POU5F1: variants seen among roughly 807,000 people sequenced by gnomAD.
POU5F1 encodes POU class 5 homeobox 1.
Under a neutral mutation model 38.3 loss-of-function variants are expected in POU5F1, and 6 were observed. The observed-to-expected ratio is 0.16, with a 90% CI of 0.09 to 0.31. The LOEUF (loss-of-function observed/expected upper bound fraction) is 0.31, where lower values mean the gene tolerates loss of function less well. POU5F1 is among the 10% of genes least tolerant of loss of function. POU5F1 has a pLI of 1.00. For missense variants in POU5F1, 286 were observed against 462.6 expected, an observed-to-expected ratio of 0.62 and a Z score of 3.50; for synonymous variants, 147 against 194.9, an observed-to-expected ratio of 0.75 and a Z score of 2.05.
chr6:31,166,207 T>TA (rs1777233811), intron 1 of POU5F1, 160 bp from the exon 2 acceptor site: 1 of 1,561,712 alleles, frequency 6.4e-7, no homozygotes, highest in South Asian at 1.2e-5. Flanking sequence ...AGAAATAACC[T>TA]ACCCACAAAT....
At chr6:31,169,058 G>C (rs1330062365) in intron 1 of POU5F1, among the ~76,000 whole-genome samples, 1 of 152,144 alleles carries the variant, frequency 6.6e-6, no homozygotes, top group East Asian at 1.9e-4. Context: ...TGCTATCTTG[G>C]ATTTTCCAAA....
Position 31,164,777 on chromosome 6 carries a change from A to C in POU5F1, c.907T>G (p.Ser303Ala). ...GACACTGGTCCCCCTGAGAAAGGAG[A>C]CCCAGCAGCCTCAAAATCCTCTCGT... is the stretch of plus-strand genomic sequence containing the variant. Reference protein sequence around the residue: ...AQREDFEAAGSPFSGGPVSFP... With the variant: ...AQREDFEAAGAPFSGGPVSFP... The change falls in exon 5 of 5, where the codon TCT (serine) becomes GCT (alanine). Residue 303 changes from serine to alanine, a missense_variant. Ser to Ala is a moderately conservative substitution (Grantham distance 99). Coordinates refer to ENST00000259915, the MANE Select transcript of POU5F1 (RefSeq NM_002701.6). 3.1e-6 allele frequency: 5 copies of C among 1,612,022 alleles called. No individual in the cohort carries two copies. Among genetic ancestry groups the C allele is most frequent in the East Asian group, 2.2e-5 (1 of 44,850 alleles).
intron 1 of POU5F1, chr6:31,166,584 G>A (rs141017974): frequency 4.2e-5 from 42 of 999,012 alleles, no homozygotes; most frequent in South Asian, 1.0e-4. Context: ...ACTTGAACCC[G>A]GGAGGCGGAG....
At chr6:31,170,161 G>A in intron 1 of POU5F1, 55 bp downstream of exon 1, 7 of 1,611,936 alleles carry the variant, frequency 4.3e-6, no homozygotes, top group Non-Finnish European at 5.9e-6. Context: ...TTCCCCATCA[G>A]GCTGCCCTGT....
At position 31,170,020 on chromosome 6, in the gene POU5F1, G is replaced by A. The variant is rs552814143; in HGVS notation, c.405+196C>T. ...CCGGCAGTTGTCTCTTCGAAATCCA[G>A]CTTCCACTTCCCACCTGGCCCCTGC... On this transcript the variant is annotated intron_variant, in intron 1 of 4. Coordinates refer to ENST00000259915, the MANE Select transcript of POU5F1 (RefSeq NM_002701.6). 642 of 819,290 alleles carry A rather than the reference G, an allele frequency of 7.8e-4. 4 individuals are homozygous for A. The African/African-American group carries it at 8.5e-3, about 11-fold the overall frequency. The allele number at this position is 819,290 out of a possible 1,614,324, so 50.8% of individuals were successfully genotyped here.
In POU5F1 at chr6:31,165,016, G is replaced by A; in HGVS notation, c.816+112C>T. The A allele has an allele frequency of 6.4e-7, 1 of 1,551,150 alleles. No homozygotes were observed. Among genetic ancestry groups the A allele is most frequent in the South Asian group, 1.2e-5 (1 of 84,676 alleles). On this transcript the variant is annotated intron_variant, in intron 4 of 4. Coordinates refer to ENST00000259915, the MANE Select transcript of POU5F1 (RefSeq NM_002701.6). The surrounding 1 kb of genome is among the most constrained non-coding windows in gnomAD (Gnocchi z 6.5). ...GAGCTGAGACAGGCCTGACTGCTTG[G>A]ACATTCTGTCCAAAGCCAACAGCCC...
At position 31,170,644 on chromosome 6, in the gene POU5F1, G is replaced by A. The variant is rs563793031; in HGVS notation, c.-24C>T. ...ATGGGGAAGGAAGGCGCCCCAAGCC[G>A]GGGGCCTGGTGAAATGAGGGCTTGC... is the stretch of plus-strand genomic sequence containing the variant. On this transcript the variant is annotated 5_prime_UTR_variant, in exon 1 of 5. Coordinates refer to ENST00000259915, the MANE Select transcript of POU5F1 (RefSeq NM_002701.6). The A allele has an allele frequency of 4.2e-5, 64 of 1,535,004 alleles. No individual in the cohort carries two copies. The highest frequency in any genetic ancestry group is 3.8e-4 in the South Asian group (31 of 82,160).
intron 1 of POU5F1, 26 bp from the exon 2 acceptor site, chr6:31,166,073 G>C: frequency 6.2e-7 from 1 of 1,614,226 alleles, no homozygotes; most frequent in Non-Finnish European, 8.5e-7. Flanking sequence ...CAGAAGACTT[G>C]TAAGAACATA....
chr6:31,170,324 T>A lies in POU5F1; in HGVS notation c.297A>T (p.Ala99=), dbSNP rs141749005. The change falls in exon 1 of 5, where the codon GCA becomes GCT. Residue 99 remains alanine (A), a synonymous_variant. Transcript: ENST00000259915. ...GLETSQPEGE[A]GVGVESNSDG... is the part of the protein sequence containing the mutation. ...CGGAGTTGCTCTCCACCCCGACTCC[T>A]GCTTCGCCCTCAGGCTGAGAGGTCT... The A allele has an allele frequency of 6.2e-7, 1 of 1,612,676 alleles. No individual in the cohort carries two copies. The highest frequency in any genetic ancestry group is 8.5e-7 in the Non-Finnish European group (1 of 1,179,844).
At chr6:31,169,162 C>G (rs1301262113) in intron 1 of POU5F1, among the ~76,000 whole-genome samples, 4 of 152,126 alleles carry the variant, frequency 2.6e-5, no homozygotes, top group Non-Finnish European at 4.4e-5. Context: ...AATACCTCCC[C>G]CTAGGAGATT....
intron 1 of POU5F1, chr6:31,166,341 C>CAAG (rs79966288): frequency 2.8e-6 from 4 of 1,438,500 alleles, no homozygotes; most frequent in African/African-American, 1.4e-5. Flanking sequence ...ACCCTGGCCT[C>CAAG]GAGAACACCT....
rs1561864895 is a variant in POU5F1, at chr6:31,170,400, G to A, written c.221C>T (p.Ala74Val). The change falls in exon 1 of 5, where the codon GCG becomes GTG. Residue 74 changes from alanine (A) to valine (V), a missense_variant. By Grantham distance (64) the Ala-to-Val change is moderately conservative. Transcript: ENST00000259915. The stretch of plus-strand genomic sequence containing the variant: ...CACTCCAACCTGGGGCCCACAGTAC[G>A]CCATCCCCCCACAGAACTCATACGG... ...PPPYEFCGGM[A>V]YCGPQVGVGL... is the part of the protein sequence containing the mutation. The A allele has an allele frequency of 4.3e-6, 7 of 1,612,472 alleles. No individual in the cohort carries two copies. The highest frequency in any genetic ancestry group is 4.0e-5 in the African/African-American group (3 of 74,932).
chr6:31,167,999 G>A (rs1777402120), intron 1 of POU5F1, among the ~76,000 whole-genome samples: 1 of 151,944 alleles, frequency 6.6e-6, no homozygotes. Context: ...CTGGAGTGCT[G>A]TGGCGTGATC....
rs767500519 is a variant in POU5F1 at position 31,164,676 on chromosome 6, C to T, written c.1008G>A (p.Ser336=). 29 of 1,587,598 alleles carry T rather than the reference C, an allele frequency of 1.8e-5. No individual in the cohort carries two copies. The highest frequency in any genetic ancestry group is 1.6e-4 in the Admixed American group (9 of 55,324). The part of the protein sequence containing the change: ...GSPHFTALYS[S]VPFPEGEAFP... ...AGGCTTCCCCCTCAGGGAAAGGGAC[C>T]GAGGAGTACAGTGCAGTGAAGTGAG... The change falls in exon 5 of 5, where the codon TCG becomes TCA. Residue 336 remains serine, a synonymous_variant. Transcript: ENST00000259915.
chr6:31,165,528 C>T lies in POU5F1; in HGVS notation c.657+43G>A, dbSNP rs1209283914. On this transcript the variant is annotated intron_variant, in intron 3 of 4. Coordinates refer to ENST00000259915, the MANE Select transcript of POU5F1 (RefSeq NM_002701.6). The surrounding 1 kb of genome is among the most constrained non-coding windows in gnomAD (Gnocchi z 6.5). ...AGTGATGGAAGCAATGGAAATTAGG[C>T]CAAGAAAGGGAAGGTCCCCGGGTAT... 1.2e-6 allele frequency: 2 copies of T among 1,611,564 alleles called. No homozygotes were observed. The highest frequency in any genetic ancestry group is 1.7e-6 in the Non-Finnish European group (2 of 1,179,708).
intron 1 of POU5F1, among the ~76,000 whole-genome samples, chr6:31,169,470 C>G (rs1777509594): frequency 6.6e-6 from 1 of 152,160 alleles, no homozygotes; most frequent in African/African-American, 2.4e-5. Context: ...TTGCAAATGG[C>G]CTGGAGAAAT....
rs1440419653 is a variant in POU5F1, at chr6:31,165,946, G to A, written c.507C>T (p.Leu169=). 2 of 1,614,168 alleles carry A rather than the reference G, an allele frequency of 1.2e-6. No homozygotes were observed. Among genetic ancestry groups the A allele is most frequent in the Admixed American group, 3.3e-5 (2 of 60,018 alleles). The change falls in exon 2 of 5, where the codon CTC becomes CTT. Residue 169 remains leucine, a synonymous_variant. Coordinates refer to ENST00000259915, the MANE Select transcript of POU5F1 (RefSeq NM_002701.6). This position sits in a 1 kb window ranked among gnomAD's most constrained non-coding sequence, Gnocchi z 6.5. The stretch of plus-strand genomic sequence containing the variant: ...ACCCACCAAATAGAACCCCCAGGGT[G>A]AGCCCCACATCGGCCTGTGTATATC... ...TLGYTQADVG[L]TLGVLFGKVF...
Position 31,170,444 on chromosome 6 carries a change from C to T in POU5F1, c.177G>A (p.Gly59=), listed in dbSNP as rs550687611. The T allele has an allele frequency of 3.7e-6, 6 of 1,610,590 alleles. No homozygotes were observed. The African/African-American group carries it at 8.0e-5, about 21-fold the overall frequency. The change falls in exon 1 of 5, where the codon GGG becomes GGA. Residue 59 remains glycine (G), a synonymous_variant. Coordinates refer to ENST00000259915, the MANE Select transcript of POU5F1 (RefSeq NM_002701.6). The part of the protein sequence containing the change: ...PGVGPGSEVW[G]IPPCPPPYEF... ...CATACGGCGGGGGGCATGGGGGAAT[C>T]CCCCACACCTCAGAGCCTGGCCCAA...
chr6:31,169,995 C>T, intron 1 of POU5F1: 1 of 700,312 alleles, frequency 1.4e-6, no homozygotes, highest in Non-Finnish European at 2.3e-6. Flanking sequence ...TCTGCCCTCA[C>T]CGGCAGTTGT....
Sources: allele counts gnomAD v4.1 joint callset (sites outside exome capture counted in the v4.1 genomes callset), GRCh38; gene constraint gnomAD v4.1.1; non-coding constraint Gnocchi (gnomAD v3.1); transcripts MANE v1.5; gene names NCBI Gene and HGNC (gene_info 2026-07-23, HGNC 2026-07-21).